The following GPC5 variants were observed in gnomAD, a reference collection of about 807,000 sequenced individuals.
The protein encoded by GPC5 is glypican 5.
In GPC5, 47 loss-of-function variants were observed where a neutral mutation model predicts 53.9. That is an observed-to-expected ratio of 0.87 (90% CI 0.69 to 1.11). The LOEUF (loss-of-function observed/expected upper bound fraction) is 1.11, where lower values mean the gene tolerates loss of function less well. Ranked by LOEUF, GPC5 falls within the 50% of genes most tolerant of loss-of-function variation. GPC5 has a pLI of 0.00. For synonymous variants in GPC5, 286 were observed against 263.3 expected (o/e 1.09, Z -0.84); for missense variants, 748 against 713.1 (o/e 1.05, Z -0.56).
chr13:92,209,611 C>G (rs1413107208), intron 7 of GPC5, among the ~76,000 whole-genome samples: 1 of 152,114 alleles, frequency 6.6e-6, no homozygotes, highest in East Asian at 1.9e-4. Context: ...ACAGTTAATG[C>G]TCCCAACAAC....
At chr13:92,693,139 C>T (rs1594424417) in intron 7 of GPC5, among the ~76,000 whole-genome samples, 2 of 152,250 alleles carry the variant, frequency 1.3e-5, no homozygotes, top group East Asian at 3.9e-4. Flanking sequence ...CCTTCCCAGC[C>T]ATACAGGACT....
chr13:91,714,007 A>C lies in GPC5; in HGVS notation c.1021-14525A>C, dbSNP rs768724315. On this transcript the variant is annotated intron_variant, in intron 3 of 7. Coordinates refer to ENST00000377067, the MANE Select transcript of GPC5 (RefSeq NM_004466.6). ...ATCACCAGAATAACCATTGAATCTCAGAGCCTCAGAATAACCTTTCAAAAA... is the reference window on the plus strand; with the variant it reads ...ATCACCAGAATAACCATTGAATCTCCGAGCCTCAGAATAACCTTTCAAAAA... Among the ~76,000 whole-genome samples, 16 of 152,264 alleles carry C rather than the reference A, an allele frequency of 1.1e-4. No individual in the cohort carries two copies. The East Asian group carries it at 3.1e-3, about 29-fold the overall frequency.
intron 7 of GPC5, among the ~76,000 whole-genome samples, chr13:92,602,233 C>CATATATATATAT (rs149450440): frequency 0.026 from 3,068 of 119,142 alleles, 74 homozygotes; most frequent in Admixed American, 0.034. Context: ...ATATATATAA[C>CATATATATATAT]ATATATATAT....
At chr13:92,108,166 T>A (rs886400869) in intron 6 of GPC5, among the ~76,000 whole-genome samples, 1 of 152,148 alleles carries the variant, frequency 6.6e-6, no homozygotes, top group African/African-American at 2.4e-5. Context: ...CATATTTTCT[T>A]GAAATTCCTT....
chr13:91,613,447 A>G (rs1171523163), intron 2 of GPC5, among the ~76,000 whole-genome samples: 1 of 152,182 alleles, frequency 6.6e-6, no homozygotes, highest in Non-Finnish European at 1.5e-5. Context: ...CTCTCCCACA[A>G]CATGTGAGAA....
chr13:92,448,196 A>G (rs574408135), intron 7 of GPC5: 43 of 152,264 alleles, frequency 2.8e-4, no homozygotes, highest in African/African-American at 8.7e-4. Context: ...AAAAAAGTGA[A>G]TATATACTAA....
chr13:92,522,744 G>A (rs1881112344), intron 7 of GPC5, among the ~76,000 whole-genome samples: 2 of 151,992 alleles, frequency 1.3e-5, no homozygotes, highest in African/African-American at 2.4e-5. Flanking sequence ...TTGTGCACAT[G>A]TACCCTAGAA....
intron 2 of GPC5, among the ~76,000 whole-genome samples, chr13:91,567,741 G>A (rs2031599159): frequency 6.6e-6 from 1 of 152,182 alleles, no homozygotes. Flanking sequence ...GGTAACTGCA[G>A]TCCTCTCCCA....
chr13:92,731,587 G>T (rs2139299662), intron 7 of GPC5, among the ~76,000 whole-genome samples: 1 of 151,446 alleles, frequency 6.6e-6, no homozygotes. Context: ...AGCTCCTAGA[G>T]AGATTAATGG....
intron 3 of GPC5, among the ~76,000 whole-genome samples, chr13:91,705,811 C>T: frequency 6.6e-6 from 1 of 150,628 alleles, no homozygotes; most frequent in East Asian, 1.9e-4. Context: ...TATACTCCTC[C>T]AATTATTTAA....
chr13:91,574,370 G>T (rs964135683), intron 2 of GPC5, among the ~76,000 whole-genome samples: 6 of 152,062 alleles, frequency 3.9e-5, no homozygotes, highest in Admixed American at 6.6e-5. Context: ...GAGTCCACGA[G>T]GTAGAAGAGA....
In GPC5 at chr13:92,539,148, A is replaced by G. The variant is rs1391105327; in HGVS notation, c.1562-327134A>G. On this transcript the variant is annotated intron_variant, in intron 7 of 7. Transcript: ENST00000377067. ...TAGAATGATTTATAATACTTTGGGT[A>G]TATAGTAGAATGATTTATAATCCTT... Among the ~76,000 whole-genome samples, 2 of 150,128 alleles carry G rather than the reference A, an allele frequency of 1.3e-5. 1 individual carries two copies. The highest frequency in any genetic ancestry group is 3.0e-5 in the Non-Finnish European group (2 of 67,368).
At chr13:92,552,926 T>C (rs775624854) in intron 7 of GPC5, among the ~76,000 whole-genome samples, 18 of 151,906 alleles carry the variant, frequency 1.2e-4, no homozygotes, top group Non-Finnish European at 2.5e-4. Context: ...TTTCTTTTCT[T>C]CTCACTTTAT....
chr13:92,013,497 G>A (rs1180381065), intron 6 of GPC5, among the ~76,000 whole-genome samples: 2 of 152,114 alleles, frequency 1.3e-5, no homozygotes, highest in Non-Finnish European at 2.9e-5. Flanking sequence ...GTTGGCCATT[G>A]GTAGTTTTGC....
Position 92,365,707 on chromosome 13 carries a change from C to G in GPC5, c.1561+220718C>G, listed in dbSNP as rs548147118. On this transcript the variant is annotated intron_variant, in intron 7 of 7. Coordinates refer to ENST00000377067, the MANE Select transcript of GPC5 (RefSeq NM_004466.6). ...TAAATTTTTTGTTAAAAATCTAAGA[C>G]GAACACATTAGCCTAAGTCTACACT... Among the ~76,000 whole-genome samples the G allele has an allele frequency of 2.0e-5, 3 of 149,028 alleles. 1 individual carries two copies. The highest frequency in any genetic ancestry group is 7.5e-5 in the African/African-American group (3 of 39,782).
chr13:91,791,601 TAC>T (rs1433973929), intron 5 of GPC5, among the ~76,000 whole-genome samples: 11 of 65,982 alleles, frequency 1.7e-4, no homozygotes, highest in African/African-American at 1.3e-3. Context: ...TTAATTGCTT[TAC>T]ATCAACAATT....
chr13:92,644,707 A>G (rs1292851210), intron 7 of GPC5, among the ~76,000 whole-genome samples: 2 of 152,192 alleles, frequency 1.3e-5, no homozygotes, highest in Non-Finnish European at 2.9e-5. Flanking sequence ...ATATTAATAT[A>G]TAAATCAATA....
At chr13:91,480,616 C>T (rs751478139) in intron 2 of GPC5, among the ~76,000 whole-genome samples, 3 of 152,146 alleles carry the variant, frequency 2.0e-5, no homozygotes, top group Non-Finnish European at 4.4e-5. Context: ...ACAATTTCTA[C>T]TAGGTTCTTT....
intron 5 of GPC5, among the ~76,000 whole-genome samples, chr13:91,855,606 C>A (rs918397409): frequency 2.0e-5 from 3 of 151,588 alleles, no homozygotes; most frequent in African/African-American, 7.2e-5. Flanking sequence ...ATCCTTGATT[C>A]ATGCAACCAA....
Sources: gnomAD v4.1 joint callset for allele counts (sites outside exome capture counted in the v4.1 genomes callset) on GRCh38, gnomAD v4.1.1 for gene constraint, MANE v1.5 for transcripts, NCBI Gene and HGNC (gene_info 2026-07-23, HGNC 2026-07-21) for gene names.